The following CTNNA3 variants were observed in gnomAD, a reference collection of about 807,000 sequenced individuals.
CTNNA3 encodes the protein catenin alpha-3.
Under a neutral mutation model 95.7 loss-of-function variants are expected in CTNNA3, and 76 were observed. The observed-to-expected ratio is 0.79, with a 90% CI of 0.66 to 0.96. The LOEUF is 0.96. CTNNA3 is among the 40% of genes least tolerant of loss of function. The pLI is 0.00. For synonymous variants in CTNNA3, 431 were observed against 374.4 expected (o/e 1.15, Z -1.74); for missense variants, 1,191 against 1,089.8 (o/e 1.09, Z -1.31).
At chr10:67,271,564 C>A (rs1051983973) in intron 5 of CTNNA3, among the ~76,000 whole-genome samples, 6 of 152,136 alleles carry the variant, frequency 3.9e-5, no homozygotes, top group South Asian at 2.1e-4. Flanking sequence ...CGGACTAATA[C>A]AACTACACTC....
In CTNNA3 at chr10:67,038,881, A is replaced by C. The variant is rs375849792; in HGVS notation, c.1047+141436T>G. ...ATATTATGTTATAATAATACATACA[A>C]ATTTAGTAGAAAGGAACAAATTAAC... On this transcript the variant is annotated intron_variant, in intron 7 of 17. Coordinates refer to ENST00000433211, the MANE Select transcript of CTNNA3 (RefSeq NM_013266.4). 3.7e-4 allele frequency among the ~76,000 whole-genome samples: 57 copies of C among 152,210 alleles called. No homozygotes were observed. In the East Asian group the frequency reaches 0.01, roughly 27 times the overall value.
At chr10:66,151,286 GAGATA>G (rs2084186212) in intron 13 of CTNNA3, among the ~76,000 whole-genome samples, 1 of 151,952 alleles carries the variant, frequency 6.6e-6, no homozygotes, top group African/African-American at 2.4e-5. Flanking sequence ...TAGGAGGGCT[GAGATA>G]AGATAAAGTT....
Position 65,916,915 on chromosome 10 carries a change from T to A in CTNNA3, c.*3415A>T, listed in dbSNP as rs1256366701. On this transcript the variant is annotated 3_prime_UTR_variant, in exon 18 of 18. Coordinates refer to ENST00000433211, the MANE Select transcript of CTNNA3 (RefSeq NM_013266.4). ...GTTACACATTAGGCTTTTCAGCCAC[T>A]CATTATTTAATTTGAGGAGCATTAA... 6.6e-6 allele frequency: 1 copy of A among 152,196 alleles called. No individual in the cohort carries two copies. The highest frequency in any genetic ancestry group is 1.5e-5 in the Non-Finnish European group (1 of 68,036). The allele number at this position is 152,196 out of a possible 1,614,324, so 9.4% of individuals were successfully genotyped here.
intron 12 of CTNNA3, among the ~76,000 whole-genome samples, chr10:66,367,865 AATAATAATAATAATAATTATT>A (rs1171737619): frequency 0.013 from 650 of 51,342 alleles, 5 homozygotes; most frequent in Admixed American, 0.047. Flanking sequence ...TAATAATAAT[AATAATAATAATAATAATTATT>A]ATTATTATTA....
intron 13 of CTNNA3, among the ~76,000 whole-genome samples, chr10:66,228,865 G>A (rs539650436): frequency 4.6e-4 from 70 of 152,144 alleles, no homozygotes; most frequent in African/African-American, 1.7e-3. Context: ...ATATCTTCTT[G>A]CTGAATTTAT....
intron 5 of CTNNA3, among the ~76,000 whole-genome samples, chr10:67,298,022 T>C (rs1209003765): frequency 2.0e-5 from 3 of 152,196 alleles, no homozygotes; most frequent in African/African-American, 4.8e-5. Flanking sequence ...GGCATAACAG[T>C]CATTGGAATG....
chr10:66,796,623 G>A (rs986864321), intron 7 of CTNNA3, among the ~76,000 whole-genome samples: 9 of 152,132 alleles, frequency 5.9e-5, no homozygotes, highest in East Asian at 1.9e-4. Context: ...ACAAACCTTC[G>A]ATTTGTAAAA....
rs555127094 is a variant in CTNNA3, at chr10:67,719,603, A to G, written c.-2+43831T>C. On this transcript the variant is annotated intron_variant, in intron 1 of 17. Transcript: ENST00000684154. ...AGGTTGTTCAGTTTCCATGTAGTTG[A>G]GCGGTTTTGAGTGAGTTTCTTAATC... is the stretch of plus-strand genomic sequence containing the variant. Among the ~76,000 whole-genome samples, 279 of 152,136 alleles carry G rather than the reference A, an allele frequency of 1.8e-3. 3 individuals carry two copies. The highest frequency in any genetic ancestry group is 0.017 in the Middle Eastern group (5 of 294).
At chr10:67,202,877 A>T (rs563393323) in intron 6 of CTNNA3, among the ~76,000 whole-genome samples, 2 of 151,100 alleles carry the variant, frequency 1.3e-5, no homozygotes, top group South Asian at 2.1e-4. Flanking sequence ...TATCTGCTTT[A>T]AAAAAAAGCT....
rs1183573189 is a variant in CTNNA3, at chr10:66,076,100, C to G, written c.1978-6611G>C. ...ATGTTTGATAAACTTTAAAAATATA[C>G]ACATGGTATATATACATATTGGAAA... On this transcript the variant is annotated intron_variant, in intron 14 of 17. Transcript: ENST00000433211. Among the ~76,000 whole-genome samples the G allele has an allele frequency of 4.6e-5, 7 of 151,426 alleles. No homozygotes were observed. In the East Asian group the frequency reaches 7.7e-4, roughly 17 times the overall value.
intron 1 of CTNNA3, among the ~76,000 whole-genome samples, chr10:67,720,447 T>G (rs1841173304): frequency 6.6e-6 from 1 of 151,964 alleles, no homozygotes; most frequent in Non-Finnish European, 1.5e-5. Flanking sequence ...TTCTTCATAA[T>G]GTCGATGGCC....
intron 7 of CTNNA3, among the ~76,000 whole-genome samples, chr10:66,939,515 T>C (rs1847888192): frequency 6.6e-6 from 1 of 152,206 alleles, no homozygotes; most frequent in South Asian, 2.1e-4. Flanking sequence ...TCAACTCTTT[T>C]GTTTGGGCCT....
intron 1 of CTNNA3, among the ~76,000 whole-genome samples, chr10:67,675,737 T>C (rs1840522965): frequency 6.6e-6 from 1 of 152,116 alleles, no homozygotes; most frequent in African/African-American, 2.4e-5. Context: ...GGGATGGATA[T>C]AGGGAGCAAG....
chr10:66,609,830 A>G (rs1015473366), intron 10 of CTNNA3, among the ~76,000 whole-genome samples: 3 of 152,168 alleles, frequency 2.0e-5, no homozygotes, highest in Admixed American at 6.5e-5. Flanking sequence ...TCACCATAGC[A>G]AAGACAAGGA....
In CTNNA3 at chr10:66,913,227, A is replaced by G. The variant is rs1846303624; in HGVS notation, c.1048-137703T>C. Reference sequence around the variant, plus strand: ...GCAGTCCGGCCTGGGCGAAAGAGCGAGACTCCGTCTCAAAAAAAAAAAAAA... The same window carrying G: ...GCAGTCCGGCCTGGGCGAAAGAGCGGGACTCCGTCTCAAAAAAAAAAAAAA... On this transcript the variant is annotated intron_variant, in intron 7 of 17. Coordinates refer to ENST00000433211, the MANE Select transcript of CTNNA3 (RefSeq NM_013266.4). Among the ~76,000 whole-genome samples, 3 of 116,848 alleles carry G rather than the reference A, an allele frequency of 2.6e-5. No homozygotes were observed. In the South Asian group the frequency reaches 1.0e-3, roughly 40 times the overall value. The allele number at this position is 116,848 out of a possible 152,430, so 76.7% of individuals were successfully genotyped here.
chr10:66,909,112 C>G (rs1041371220), intron 7 of CTNNA3, among the ~76,000 whole-genome samples: 1 of 151,948 alleles, frequency 6.6e-6, no homozygotes, highest in African/African-American at 2.4e-5. Flanking sequence ...GAGCCACTTG[C>G]GATAATACTA....
intron 1 of CTNNA3, among the ~76,000 whole-genome samples, chr10:67,754,772 T>A (rs556978155): frequency 1.2e-4 from 18 of 152,230 alleles, no homozygotes; most frequent in African/African-American, 4.1e-4. Context: ...GGGGAAAAGA[T>A]CTGCAAACTA....
At chr10:66,617,004 A>G (rs978644173) in intron 10 of CTNNA3, among the ~76,000 whole-genome samples, 3 of 151,982 alleles carry the variant, frequency 2.0e-5, no homozygotes, top group Non-Finnish European at 2.9e-5. Flanking sequence ...CAACCTTCTC[A>G]CTGATTTATA....
chr10:67,361,516 G>A (rs952715080), intron 5 of CTNNA3, among the ~76,000 whole-genome samples: 1 of 152,094 alleles, frequency 6.6e-6, no homozygotes, highest in Non-Finnish European at 1.5e-5. Context: ...CTTGTTCCTG[G>A]AAGACTTTTG....
Sources: allele counts gnomAD v4.1 joint callset (sites outside exome capture counted in the v4.1 genomes callset), GRCh38; gene constraint gnomAD v4.1.1; transcripts MANE v1.5; gene names NCBI Gene and HGNC (gene_info 2026-07-23, HGNC 2026-07-21).